The following RPS6KC1 variants were observed in gnomAD, a reference collection of about 807,000 sequenced individuals.
RPS6KC1 encodes inactive ribosomal protein S6 kinase delta-1.
RPS6KC1 carries 54 observed loss-of-function variants against 103.8 expected under a neutral mutation model. The ratio of observed to expected loss-of-function variants is 0.52; its 90% CI spans 0.42 to 0.65. The LOEUF (loss-of-function observed/expected upper bound fraction) is 0.65, where lower values mean the gene tolerates loss of function less well. Ranked by LOEUF, RPS6KC1 falls within the 30% of genes least tolerant of loss-of-function variation. The probability of loss-of-function intolerance (pLI) is 0.00; values close to 1 mark genes in which losing one functional copy is unlikely to be tolerated. For missense variants in RPS6KC1, 1,151 were observed against 1,253.8 expected, an observed-to-expected ratio of 0.92 and a Z score of 1.24; for synonymous variants, 439 against 438.7, an observed-to-expected ratio of 1.00 and a Z score of -0.01.
chr1:213,114,993 A>G (rs1021635510), intron 4 of RPS6KC1, among the ~76,000 whole-genome samples: 6 of 152,130 alleles, frequency 3.9e-5, no homozygotes, highest in African/African-American at 1.4e-4. Flanking sequence ...ATGTTCATCA[A>G]GGATATTGGT....
At chr1:213,196,292 G>A (rs956631067) in intron 8 of RPS6KC1, among the ~76,000 whole-genome samples, 2 of 152,008 alleles carry the variant, frequency 1.3e-5, no homozygotes, top group African/African-American at 4.8e-5. Flanking sequence ...TTTGAGAATT[G>A]TCTATTCATG....
the RPS6KC1 span, among the ~76,000 whole-genome samples, chr1:213,844,213 A>C: frequency 6.6e-6 from 1 of 152,170 alleles, no homozygotes; most frequent in African/African-American, 2.4e-5. Context: ...GGTTTTTTTC[A>C]TAAGATTGTG....
chr1:213,251,141 C>T (rs2149021449), intron 12 of RPS6KC1, among the ~76,000 whole-genome samples: 1 of 124,212 alleles, frequency 8.1e-6, no homozygotes, highest in East Asian at 2.5e-4. Context: ...GAGTCTTGCT[C>T]TGTCACCCAG....
the RPS6KC1 span, among the ~76,000 whole-genome samples, chr1:213,642,840 TTTC>T: frequency 6.6e-6 from 1 of 151,970 alleles, no homozygotes; most frequent in African/African-American, 2.4e-5. Flanking sequence ...ATTTAGAAAT[TTTC>T]TTCATTAGAA....
chr1:213,241,319 C>T lies in RPS6KC1; in HGVS notation c.1843C>T (p.Leu615Phe). Residue 615 changes from leucine to phenylalanine, a missense_variant, in exon 11 of 15, where the codon CTT (leucine) becomes TTT (phenylalanine). Transcript: ENST00000366960. ...GGATAGCGCAAGTGAACTCCTGGGA[C>T]TTGACTTTGGAGAAAAATTGTATAG... is the stretch of plus-strand genomic sequence containing the variant. ...SKDSASELLG[L>F]DFGEKLYSLK... The T allele has an allele frequency of 6.2e-7, 1 of 1,613,944 alleles. No homozygotes were observed. Among genetic ancestry groups the T allele is most frequent in the South Asian group, 1.1e-5 (1 of 91,076 alleles).
At chr1:213,290,858 G>A in the RPS6KC1 span, among the ~76,000 whole-genome samples, 2 of 152,254 alleles carry the variant, frequency 1.3e-5, no homozygotes, top group East Asian at 3.9e-4. Context: ...CACCTGTCTT[G>A]TACTTATCCT....
the RPS6KC1 span, among the ~76,000 whole-genome samples, chr1:213,337,865 G>T: frequency 6.6e-6 from 1 of 152,168 alleles, no homozygotes; most frequent in Non-Finnish European, 1.5e-5. Flanking sequence ...AGATATGCAA[G>T]AAGCAAAGAA....
At position 213,051,261 on chromosome 1, in the gene RPS6KC1, C is replaced by A; in HGVS notation, c.-144C>A. ...CTGCTGACCCGGAAGCAGAGCTGTG[C>A]AGCTGAGGCGCCGCCGTGGAGCCGC... On this transcript the variant is annotated 5_prime_UTR_variant, in exon 1 of 15. Coordinates refer to ENST00000366960, the MANE Select transcript of RPS6KC1 (RefSeq NM_012424.6). 1 of 623,654 alleles carries A rather than the reference C, an allele frequency of 1.6e-6. No individual in the cohort carries two copies. Among genetic ancestry groups the A allele is most frequent in the Non-Finnish European group, 2.8e-6 (1 of 352,454 alleles). The allele number at this position is 623,654 out of a possible 1,614,324, so 38.6% of individuals were successfully genotyped here.
the RPS6KC1 span, among the ~76,000 whole-genome samples, chr1:213,355,231 AAAGAG>A: frequency 1.3e-5 from 2 of 151,952 alleles, no homozygotes; most frequent in Non-Finnish European, 2.9e-5. Context: ...AGGAAAAAAA[AAAGAG>A]AGAGAGAGAA....
rs2148219932 is a variant in RPS6KC1, at chr1:213,051,353, G to A, written c.-52G>A. On this transcript the variant is annotated 5_prime_UTR_variant, in exon 1 of 15. Coordinates refer to ENST00000366960, the MANE Select transcript of RPS6KC1 (RefSeq NM_012424.6). ...GGAACCTGGACCGCGGCGGCGCCGG[G>A]TTTCCCTCATGATCCCGGGCGGGTG... The A allele has an allele frequency of 4.2e-6, 6 of 1,445,756 alleles. 1 individual carries two copies. The South Asian group carries it at 6.9e-5, about 17-fold the overall frequency. 89.6% of individuals were successfully genotyped at this position (1,445,756 alleles called of 1,614,324 possible).
At chr1:213,768,271 C>G in the RPS6KC1 span, among the ~76,000 whole-genome samples, 8 of 152,098 alleles carry the variant, frequency 5.3e-5, no homozygotes, top group Non-Finnish European at 1.0e-4. Context: ...TTCAGCAGGA[C>G]CAAGACTGGA....
the RPS6KC1 span, among the ~76,000 whole-genome samples, chr1:213,482,551 T>G: frequency 8.4e-6 from 1 of 118,982 alleles, no homozygotes; most frequent in African/African-American, 3.2e-5. Context: ...TTTTTTTTTT[T>G]TTTTTTTTTT....
the RPS6KC1 span, among the ~76,000 whole-genome samples, chr1:213,447,314 C>G: frequency 6.6e-6 from 1 of 152,106 alleles, no homozygotes; most frequent in Non-Finnish European, 1.5e-5. Context: ...GCGATCCTCA[C>G]ACCTTGGCCT....
At chr1:213,850,523 A>G in the RPS6KC1 span, among the ~76,000 whole-genome samples, 1 of 152,202 alleles carries the variant, frequency 6.6e-6, no homozygotes, top group African/African-American at 2.4e-5. Flanking sequence ...CAGGCCATCT[A>G]CAGTCTGACA....
At chr1:213,630,639 G>A in the RPS6KC1 span, among the ~76,000 whole-genome samples, 59 of 152,314 alleles carry the variant, frequency 3.9e-4, no homozygotes, top group East Asian at 0.01. Flanking sequence ...TGTTCCTTTG[G>A]AGGAGGAGAG....
At chr1:213,068,446 T>C (rs1377598806) in intron 1 of RPS6KC1, among the ~76,000 whole-genome samples, 2 of 118,212 alleles carry the variant, frequency 1.7e-5, no homozygotes, top group African/African-American at 6.7e-5. Context: ...ATCGCGCCAC[T>C]GCACTCCAGC....
At chr1:213,362,584 G>A in the RPS6KC1 span, among the ~76,000 whole-genome samples, 9 of 152,196 alleles carry the variant, frequency 5.9e-5, no homozygotes, top group Admixed American at 2.0e-4. Flanking sequence ...GGGCAAACAC[G>A]TGGTCAGGAG....
At chr1:213,491,786 G>A in the RPS6KC1 span, among the ~76,000 whole-genome samples, 3 of 152,170 alleles carry the variant, frequency 2.0e-5, no homozygotes, top group Admixed American at 6.5e-5. Flanking sequence ...CCAGAGATTT[G>A]TTCTTTGTCC....
the RPS6KC1 span, among the ~76,000 whole-genome samples, chr1:213,806,287 G>A: frequency 3.9e-5 from 6 of 152,104 alleles, no homozygotes; most frequent in East Asian, 3.9e-4. Context: ...AGCAGAGATC[G>A]CACCACTGTA....
Sources: allele counts gnomAD v4.1 joint callset (sites outside exome capture counted in the v4.1 genomes callset), GRCh38; gene constraint gnomAD v4.1.1; transcripts MANE v1.5; gene names NCBI Gene and HGNC (gene_info 2026-07-23, HGNC 2026-07-21).